INTS9: variants seen among roughly 807,000 people sequenced by gnomAD.
INTS9 encodes the protein protein related to CPSF subunits of 74 kDa.
Under a neutral mutation model 79.7 loss-of-function variants are expected in INTS9, and 55 were observed. That is an observed-to-expected ratio of 0.69 (90% confidence interval 0.56 to 0.86). The LOEUF (loss-of-function observed/expected upper bound fraction) is 0.86, where lower values mean the gene tolerates loss of function less well. Among genes scored for constraint, INTS9 ranks in the 40% least tolerant of loss-of-function variants. The probability of loss-of-function intolerance (pLI) is 0.00; values close to 1 mark genes in which losing one functional copy is unlikely to be tolerated. For synonymous variants in INTS9, 319 were observed against 325.2 expected, an observed-to-expected ratio of 0.98 and a Z score of 0.20; for missense variants, 721 against 831.5, an observed-to-expected ratio of 0.87 and a Z score of 1.64.
intron 12 of INTS9, among the ~76,000 whole-genome samples, chr8:28,778,787 GAC>G (rs965149363): frequency 6.6e-6 from 1 of 152,218 alleles, no homozygotes; most frequent in East Asian, 1.9e-4. Flanking sequence ...AGGCACACCA[GAC>G]ACAGAGACGT....
intron 1 of INTS9, among the ~76,000 whole-genome samples, chr8:28,871,873 T>C (rs1809114537): frequency 6.6e-6 from 1 of 152,066 alleles, no homozygotes; most frequent in African/African-American, 2.4e-5. Context: ...AAAATTGATA[T>C]CCTTAATATA....
chr8:28,785,806 T>A (rs1803550564), intron 11 of INTS9, among the ~76,000 whole-genome samples: 1 of 152,196 alleles, frequency 6.6e-6, no homozygotes, highest in Non-Finnish European at 1.5e-5. Context: ...TTTCTGTATC[T>A]ACATATATTG....
chr8:28,828,586 G>A (rs551652958), intron 6 of INTS9, among the ~76,000 whole-genome samples: 3 of 152,210 alleles, frequency 2.0e-5, no homozygotes, highest in African/African-American at 7.2e-5. Flanking sequence ...TTTGACCTCC[G>A]AGCACACACT....
chr8:28,816,148 T>C (rs1805461245), intron 6 of INTS9, among the ~76,000 whole-genome samples: 2 of 152,070 alleles, frequency 1.3e-5, no homozygotes, highest in African/African-American at 2.4e-5. Flanking sequence ...TTTTTCCTTT[T>C]TTAAAAATTT....
At chr8:28,785,190 G>C (rs997927920) in intron 11 of INTS9, among the ~76,000 whole-genome samples, 3 of 152,188 alleles carry the variant, frequency 2.0e-5, no homozygotes, top group African/African-American at 4.8e-5. Flanking sequence ...AACGTTGACT[G>C]CATATGTCAA....
intron 6 of INTS9, among the ~76,000 whole-genome samples, chr8:28,828,668 A>G (rs1351295261): frequency 1.3e-5 from 2 of 151,974 alleles, no homozygotes; most frequent in African/African-American, 2.4e-5. Flanking sequence ...GTCAGAGCGG[A>G]GGAACTTCAA....
chr8:28,841,807 C>T (rs915318195), intron 4 of INTS9, among the ~76,000 whole-genome samples: 18 of 152,046 alleles, frequency 1.2e-4, no homozygotes, highest in Admixed American at 8.5e-4. Context: ...GATAAGGAGC[C>T]AGATGTGGTG....
At chr8:28,770,094 C>CT (rs1802444368) in intron 15 of INTS9, 68 bp from the exon 16 acceptor site, 3 of 1,560,454 alleles carry the variant, frequency 1.9e-6, no homozygotes, top group East Asian at 4.5e-5. Context: ...GCAGGCCACA[C>CT]TGAGAGCCTG....
rs187956162 is a variant in INTS9 at position 28,771,817 on chromosome 8, C to T, written c.1564-737G>A. Reference sequence around the variant, plus strand: ...TGGGAGCTTTGGGGATGGCGTTCTGCGCTCTCCCTGGGCAGCCATGCACTA... The same window carrying T: ...TGGGAGCTTTGGGGATGGCGTTCTGTGCTCTCCCTGGGCAGCCATGCACTA... On this transcript the variant is annotated intron_variant, in intron 14 of 16. Transcript: ENST00000521022. Among the ~76,000 whole-genome samples the T allele has an allele frequency of 3.3e-5, 5 of 152,270 alleles. No homozygotes were observed. The East Asian group carries it at 7.7e-4, about 24-fold the overall frequency.
intron 6 of INTS9, among the ~76,000 whole-genome samples, chr8:28,820,927 T>TG (rs1365900670): frequency 6.6e-6 from 1 of 151,502 alleles, no homozygotes; most frequent in Non-Finnish European, 1.5e-5. Context: ...AAAAAAAAAG[T>TG]GGGGGGAAAT....
At chr8:28,824,097 T>C (rs977242022) in intron 6 of INTS9, among the ~76,000 whole-genome samples, 1 of 152,206 alleles carries the variant, frequency 6.6e-6, no homozygotes, top group Non-Finnish European at 1.5e-5. Context: ...TTAAGTCACA[T>C]AAGGGGAATG....
chr8:28,812,472 A>T lies in INTS9; in HGVS notation c.610-11T>A, dbSNP rs746578590. The T allele has an allele frequency of 1.2e-6, 2 of 1,612,552 alleles. No homozygotes were observed. ...CGCACCAAAAAGCTCCTAAAAGAGAACCACAGTAAGAATGTGCAATGAGCT... is the reference window on the plus strand; with the variant it reads ...CGCACCAAAAAGCTCCTAAAAGAGATCCACAGTAAGAATGTGCAATGAGCT... On this transcript the variant is annotated splice_polypyrimidine_tract_variant and intron_variant, in intron 7 of 16. Coordinates refer to ENST00000521022, the MANE Select transcript of INTS9 (RefSeq NM_018250.4).
intron 11 of INTS9, among the ~76,000 whole-genome samples, chr8:28,786,412 T>C (rs946642149): frequency 1.1e-4 from 17 of 152,028 alleles, no homozygotes; most frequent in African/African-American, 3.9e-4. Flanking sequence ...CACCCCAGCC[T>C]CTAGGGTAGC....
Position 28,768,203 on chromosome 8 carries a change from G to A in INTS9, c.1920C>T (p.Asp640=), listed in dbSNP as rs149143087. Residue 640 remains aspartate, a synonymous_variant, in exon 17 of 17, where the codon GAC becomes GAT. Transcript: ENST00000521022. The part of the protein sequence containing the change: ...EDSTHIICDN[D]EMLRVRLRDL... ...CCCGCAGTCGCACTCTGAGCATCTCGTCATTGTCGCAGATGATATGGGTCG... is the reference window on the plus strand; with the variant it reads ...CCCGCAGTCGCACTCTGAGCATCTCATCATTGTCGCAGATGATATGGGTCG... 2.8e-5 allele frequency: 45 copies of A among 1,614,164 alleles called. No homozygotes were observed. Among genetic ancestry groups the A allele is most frequent in the African/African-American group, 2.1e-4 (16 of 75,044 alleles).
chr8:28,778,374 T>G (rs1803022468), intron 12 of INTS9, among the ~76,000 whole-genome samples: 1 of 152,200 alleles, frequency 6.6e-6, no homozygotes, highest in Non-Finnish European at 1.5e-5. Context: ...GTATATAGTT[T>G]CAAAGAGTCC....
chr8:28,882,317 C>T (rs1320653425), intron 1 of INTS9, among the ~76,000 whole-genome samples: 3 of 115,064 alleles, frequency 2.6e-5, no homozygotes, highest in Non-Finnish European at 4.3e-5. Flanking sequence ...ACAAACACTG[C>T]GGAAGGCCGA....
intron 6 of INTS9, among the ~76,000 whole-genome samples, chr8:28,834,175 C>T (rs1216290927): frequency 6.6e-6 from 1 of 152,194 alleles, no homozygotes; most frequent in Admixed American, 6.5e-5. Flanking sequence ...AGTTAGACTT[C>T]AGCTTCATGC....
intron 8 of INTS9, among the ~76,000 whole-genome samples, chr8:28,803,678 A>C (rs914612448): frequency 6.6e-6 from 1 of 152,204 alleles, no homozygotes; most frequent in Non-Finnish European, 1.5e-5. Context: ...AAAGTTCACT[A>C]TACAGTTCAT....
At chr8:28,880,173 A>C (rs1308074761) in intron 1 of INTS9, among the ~76,000 whole-genome samples, 2 of 152,180 alleles carry the variant, frequency 1.3e-5, no homozygotes, top group African/African-American at 2.4e-5. Context: ...TAAAGCTAGA[A>C]TATCTCATTA....
Sources: allele counts gnomAD v4.1 joint callset (sites outside exome capture counted in the v4.1 genomes callset), GRCh38; gene constraint gnomAD v4.1.1; transcripts MANE v1.5; gene names NCBI Gene and HGNC (gene_info 2026-07-23, HGNC 2026-07-21).